FAM118B: variants seen among roughly 807,000 people sequenced by gnomAD.
The protein encoded by FAM118B is protein FAM118B.
FAM118B carries 24 observed loss-of-function variants against 38.5 expected under a neutral mutation model. That is an observed-to-expected ratio of 0.62 (90% CI 0.45 to 0.88). The LOEUF is 0.88. FAM118B is among the 40% of genes least tolerant of loss of function. FAM118B has a pLI of 0.00. For synonymous variants in FAM118B, 138 were observed against 156.3 expected (o/e 0.88, Z 0.87); for missense variants, 334 against 420.0 (o/e 0.80, Z 1.79).
At position 126,250,762 on chromosome 11, in the gene FAM118B, C is replaced by T. The variant is rs1370962255; in HGVS notation, c.567+29C>T. 2.0e-6 allele frequency: 3 copies of T among 1,508,328 alleles called. No individual in the cohort carries two copies. Among genetic ancestry groups the T allele is most frequent in the South Asian group, 1.2e-5 (1 of 86,446 alleles). The allele number at this position is 1,508,328 out of a possible 1,614,324, so 93.4% of individuals were successfully genotyped here. A position where few individuals can be genotyped will look rare whatever the true frequency, so the allele number is the denominator to read the frequency against. On this transcript the variant is annotated intron_variant, in intron 5 of 8. Coordinates refer to ENST00000533050, the MANE Select transcript of FAM118B (RefSeq NM_024556.4). The surrounding 1 kb of genome is among the most constrained non-coding windows in gnomAD (Gnocchi z 5.1). ...AAAAGTAAAGCATTGGTCCCTTCTT[C>T]AGGCTAGTGGATTTTATCTTCCTCA...
chr11:126,257,605 A>ATT lies in FAM118B; in HGVS notation c.982+768_982+769dup, dbSNP rs5795488. Among the ~76,000 whole-genome samples, 602 of 140,916 alleles carry ATT rather than the reference A, an allele frequency of 4.3e-3. 7 individuals are homozygous for ATT. Among genetic ancestry groups the ATT allele is most frequent in the East Asian group, 6.9e-3 (34 of 4,894 alleles). 92.4% of individuals were successfully genotyped at this position (140,916 alleles called of 152,430 possible). A position where few individuals can be genotyped will look rare whatever the true frequency, so the allele number is the denominator to read the frequency against. ...CAGCTATATTCATATAGAATTGTAC[A>ATT]TTTTTTTTTTTTTTTTGGTGCGTGT... is the stretch of plus-strand genomic sequence containing the variant. On this transcript the variant is annotated intron_variant, in intron 7 of 8. Transcript: ENST00000533050.
chr11:126,219,677 G>A (rs546476614), intron 1 of FAM118B, among the ~76,000 whole-genome samples: 2 of 152,188 alleles, frequency 1.3e-5, no homozygotes, highest in South Asian at 4.1e-4. Flanking sequence ...GTACTTCGCA[G>A]TTTTATGGAT....
intron 8 of FAM118B, 92 bp from the exon 9 acceptor site, chr11:126,262,028 A>G: frequency 8.2e-7 from 1 of 1,220,660 alleles, no homozygotes; most frequent in Non-Finnish European, 1.2e-6. Context: ...TTGCCTTCTG[A>G]AGGGTTAGGA....
At chr11:126,234,291 C>T (rs1256047937) in intron 2 of FAM118B, among the ~76,000 whole-genome samples, 1 of 152,202 alleles carries the variant, frequency 6.6e-6, no homozygotes, top group East Asian at 1.9e-4. Flanking sequence ...AAAGTTTGAG[C>T]ACTTAGAACT....
At chr11:126,222,322 A>G (rs918584416) in intron 1 of FAM118B, among the ~76,000 whole-genome samples, 2 of 152,356 alleles carry the variant, frequency 1.3e-5, no homozygotes, top group African/African-American at 4.8e-5. Context: ...TTCTTAGCAC[A>G]GTGCTGGATG....
intron 1 of FAM118B, among the ~76,000 whole-genome samples, chr11:126,213,977 C>T (rs562148245): frequency 4.6e-5 from 7 of 152,284 alleles, no homozygotes; most frequent in African/African-American, 1.7e-4. Flanking sequence ...AGTATGGGTA[C>T]ATAAGTTATG....
chr11:126,239,968 A>T (rs186022667), intron 3 of FAM118B, among the ~76,000 whole-genome samples: 255 of 152,268 alleles, frequency 1.7e-3, no homozygotes, highest in African/African-American at 5.8e-3. Context: ...CCATTTTATT[A>T]TTTAGACAAA....
At chr11:126,242,191 T>C (rs1484053357) in intron 4 of FAM118B, among the ~76,000 whole-genome samples, 1 of 152,144 alleles carries the variant, frequency 6.6e-6, no homozygotes, top group Non-Finnish European at 1.5e-5. Context: ...GATCTGGCAG[T>C]GGTTTTTTAG....
In FAM118B at chr11:126,255,071, T is replaced by A. The variant is rs1262393874; in HGVS notation, c.696+638T>A. Among the ~76,000 whole-genome samples, 2 of 152,216 alleles carry A rather than the reference T, an allele frequency of 1.3e-5. No individual in the cohort carries two copies. Among genetic ancestry groups the A allele is most frequent in the African/African-American group, 4.8e-5 (2 of 41,460 alleles). ...TAGCCCTCTCTGTGTCAGAAATAAT[T>A]GAGGCAGCTTCTTAACAAACCAACC... is the stretch of plus-strand genomic sequence containing the variant. On this transcript the variant is annotated intron_variant, in intron 6 of 8. Transcript: ENST00000533050. The surrounding 1 kb of genome is among the most constrained non-coding windows in gnomAD (Gnocchi z 4.6).
intron 1 of FAM118B, chr11:126,214,488 C>CTTTTTTTTTTTTTTTTT (rs1565322268): frequency 2.9e-5 from 1 of 34,856 alleles, no homozygotes; most frequent in Non-Finnish European, 5.9e-5. Context: ...TCTTTTGTTT[C>CTTTTTTTTTTTTTTTTT]TGTTTTTTTT....
chr11:126,248,358 C>CT (rs1167017613), intron 4 of FAM118B, among the ~76,000 whole-genome samples: 17,109 of 36,160 alleles, frequency 0.47, 7,840 homozygotes, highest in East Asian at 0.7. Context: ...TAGTAGTTGA[C>CT]TTTTTTTTTT....
intron 2 of FAM118B, among the ~76,000 whole-genome samples, chr11:126,230,246 CTT>C (rs1950191391): frequency 6.6e-6 from 1 of 152,172 alleles, no homozygotes; most frequent in African/African-American, 2.4e-5. Flanking sequence ...CAAGCAAAGT[CTT>C]TAGGATTTTA....
chr11:126,212,473 C>T (rs1382845756), intron 1 of FAM118B, among the ~76,000 whole-genome samples: 1 of 152,154 alleles, frequency 6.6e-6, no homozygotes, highest in Non-Finnish European at 1.5e-5. Flanking sequence ...TTCCCTTGCC[C>T]GAACTGCAGG....
At chr11:126,245,372 A>C (rs1356812285) in intron 4 of FAM118B, 3 of 151,762 alleles carry the variant, frequency 2.0e-5, no homozygotes, top group Non-Finnish European at 4.4e-5. Context: ...GGAGACTCAA[A>C]TTTTTTTTTC....
Position 126,244,497 on chromosome 11 carries a change from T to G in FAM118B, c.339+3453T>G, listed in dbSNP as rs529438523. On this transcript the variant is annotated intron_variant, in intron 4 of 8. Transcript: ENST00000533050. This position sits in a 1 kb window ranked among gnomAD's most constrained non-coding sequence, Gnocchi z 4.5. ...TCAAAAATAGTAAAATAGCTAGGAA[T>G]AAATTTAACGAAAGAAGTACAGAAG... Among the ~76,000 whole-genome samples the G allele has an allele frequency of 5.9e-4, 90 of 152,296 alleles. No individual in the cohort carries two copies. The highest frequency in any genetic ancestry group is 2.1e-3 in the African/African-American group (88 of 41,580).
chr11:126,257,513 T>G (rs1238463565), intron 7 of FAM118B, among the ~76,000 whole-genome samples: 1 of 151,416 alleles, frequency 6.6e-6, no homozygotes, highest in Non-Finnish European at 1.5e-5. Flanking sequence ...GTGTTTTCAT[T>G]GCCATAAAAA....
At chr11:126,226,711 G>T (rs1950146644) in intron 1 of FAM118B, among the ~76,000 whole-genome samples, 1 of 152,184 alleles carries the variant, frequency 6.6e-6, no homozygotes, top group Non-Finnish European at 1.5e-5. Flanking sequence ...CAGGTGCAGT[G>T]GCTCACACCT....
At chr11:126,222,390 A>C (rs1196590206) in intron 1 of FAM118B, among the ~76,000 whole-genome samples, 1 of 152,248 alleles carries the variant, frequency 6.6e-6, no homozygotes, top group African/African-American at 2.4e-5. Flanking sequence ...AGTTCCTAGC[A>C]TTTTAAAATT....
At chr11:126,219,941 A>T (rs969949105) in intron 1 of FAM118B, among the ~76,000 whole-genome samples, 7 of 150,690 alleles carry the variant, frequency 4.6e-5, no homozygotes, top group South Asian at 2.1e-4. Context: ...AATTTTTTTT[A>T]AAGGGGGGGC....
Sources: gnomAD v4.1 joint callset for allele counts (sites outside exome capture counted in the v4.1 genomes callset) on GRCh38, gnomAD v4.1.1 for gene constraint, Gnocchi (gnomAD v3.1) non-coding constraint, MANE v1.5 for transcripts, NCBI Gene and HGNC (gene_info 2026-07-23, HGNC 2026-07-21) for gene names.